TMEM71: variants seen among roughly 807,000 people sequenced by gnomAD.
TMEM71 encodes transmembrane protein 71.
TMEM71 carries 44 observed loss-of-function variants against 38.0 expected under a neutral mutation model. The ratio of observed to expected loss-of-function variants is 1.16; its 90% CI spans 0.91 to 1.49. The LOEUF is 1.49. Ranked by LOEUF, TMEM71 falls within the 40% of genes most tolerant of loss-of-function variation. The pLI is 0.00. For missense variants in TMEM71, 367 were observed against 348.6 expected (o/e 1.05, Z -0.42); for synonymous variants, 133 against 122.5 (o/e 1.09, Z -0.56).
the TMEM71 span, among the ~76,000 whole-genome samples, chr8:132,772,551 A>T: frequency 6.6e-6 from 1 of 152,186 alleles, no homozygotes; most frequent in Non-Finnish European, 1.5e-5. Flanking sequence ...AGAGGAAATG[A>T]CATCCTACCT....
chr8:132,772,178 T>C, the TMEM71 span, among the ~76,000 whole-genome samples: 2 of 152,254 alleles, frequency 1.3e-5, no homozygotes, highest in African/African-American at 2.4e-5. Flanking sequence ...CTTTTTTTCC[T>C]ACCTTAAAAT....
At chr8:132,740,180 C>G (rs1228397486) in intron 5 of TMEM71, among the ~76,000 whole-genome samples, 2 of 152,126 alleles carry the variant, frequency 1.3e-5, no homozygotes, top group Non-Finnish European at 2.9e-5. Flanking sequence ...ACCTTTCAGT[C>G]TTTTCCCTAC....
chr8:132,751,219 C>T (rs2433060), intron 4 of TMEM71, among the ~76,000 whole-genome samples: 46,414 of 152,038 alleles, frequency 0.31, 7,317 homozygotes, highest in Non-Finnish European at 0.33. Context: ...ACAAAACACC[C>T]CTTCCCACCC....
intron 5 of TMEM71, among the ~76,000 whole-genome samples, chr8:132,734,016 A>G (rs954210282): frequency 6.6e-6 from 1 of 152,054 alleles, no homozygotes; most frequent in Non-Finnish European, 1.5e-5. Context: ...GGGTGGGGGA[A>G]ATTGGGAGCC....
At chr8:132,723,410 G>A (rs1198320391) in intron 6 of TMEM71, among the ~76,000 whole-genome samples, 3 of 152,206 alleles carry the variant, frequency 2.0e-5, no homozygotes, top group African/African-American at 7.2e-5. Flanking sequence ...TATGAGTTGT[G>A]TGATTTGGGA....
At chr8:132,743,007 C>G (rs1001438236) in intron 5 of TMEM71, among the ~76,000 whole-genome samples, 1 of 152,110 alleles carries the variant, frequency 6.6e-6, no homozygotes, top group African/African-American at 2.4e-5. Context: ...TCTTGTGAGA[C>G]GTATTCACTA....
chr8:132,746,076 T>A (rs944255289), intron 5 of TMEM71, among the ~76,000 whole-genome samples: 1 of 148,956 alleles, frequency 6.7e-6, no homozygotes, highest in Non-Finnish European at 1.5e-5. Context: ...CTATGCTTAG[T>A]ACCTGGGTGA....
At chr8:132,775,175 T>C in the TMEM71 span, among the ~76,000 whole-genome samples, 2 of 151,922 alleles carry the variant, frequency 1.3e-5, no homozygotes, top group South Asian at 2.1e-4. Flanking sequence ...ACTTCACAAC[T>C]ACCAATAGGC....
At chr8:132,716,063 C>T (rs1004544006) in intron 7 of TMEM71, among the ~76,000 whole-genome samples, 1 of 152,148 alleles carries the variant, frequency 6.6e-6, no homozygotes, top group Non-Finnish European at 1.5e-5. Context: ...GGAGGGAGCC[C>T]GGAACTGGAG....
downstream of TMEM71, among the ~76,000 whole-genome samples, chr8:132,707,152 A>G (rs377582174): frequency 4.2e-4 from 64 of 152,222 alleles, no homozygotes; most frequent in African/African-American, 1.5e-3. Context: ...AAAGAGACCC[A>G]ATAGGCATAT....
In TMEM71 at chr8:132,710,840, A is replaced by G. The variant is rs1826195164; in HGVS notation, c.*127T>C. On this transcript the variant is annotated 3_prime_UTR_variant, in exon 10 of 10. Coordinates refer to ENST00000677595, the MANE Select transcript of TMEM71 (RefSeq NM_001382403.1). ...TTTAAAATCACATAGTCAAACTAAAATGGCTTTTTCTCCATTACTCGCTTA... is the reference window on the plus strand; with the variant it reads ...TTTAAAATCACATAGTCAAACTAAAGTGGCTTTTTCTCCATTACTCGCTTA... 1 of 819,390 alleles carries G rather than the reference A, an allele frequency of 1.2e-6. No individual in the cohort carries two copies. Among genetic ancestry groups the G allele is most frequent in the Non-Finnish European group, 2.1e-6 (1 of 480,790 alleles). 50.8% of individuals were successfully genotyped at this position (819,390 alleles called of 1,614,324 possible).
At chr8:132,740,203 C>A (rs1827963374) in intron 5 of TMEM71, among the ~76,000 whole-genome samples, 1 of 152,130 alleles carries the variant, frequency 6.6e-6, no homozygotes, top group Admixed American at 6.5e-5. Context: ...TCCCCCCTCA[C>A]TCACTCAGCC....
chr8:132,711,586 A>G (rs914753203), intron 9 of TMEM71, among the ~76,000 whole-genome samples: 5 of 152,190 alleles, frequency 3.3e-5, no homozygotes, highest in Non-Finnish European at 7.3e-5. Context: ...TAAGTGTGCA[A>G]AACGTGTACC....
At position 132,751,942 on chromosome 8, in the gene TMEM71, G is replaced by T. The variant is rs765767845; in HGVS notation, c.157C>A (p.Pro53Thr). The change falls in exon 4 of 10, where the codon CCC (proline) becomes ACC (threonine). Residue 53 changes from proline to threonine, a missense_variant. By Grantham distance (38) the Pro-to-Thr change is conservative. Transcript: ENST00000677595. The stretch of plus-strand genomic sequence containing the variant: ...CAGGTATAGTGGGAGCCTGTCAGGG[G>T]ATCTATGGAGCCGCATTCAAAAGAA... ...YHSFECGSID[P>T]LTGSHYTCRR... is the part of the protein sequence containing the mutation. 4 of 1,614,120 alleles carry T rather than the reference G, an allele frequency of 2.5e-6. No individual in the cohort carries two copies. Among genetic ancestry groups the T allele is most frequent in the Middle Eastern group, 1.7e-4 (1 of 6,020 alleles).
In TMEM71 at chr8:132,743,344, G is replaced by T. The variant is rs146306302; in HGVS notation, c.487+3598C>A. Among the ~76,000 whole-genome samples the T allele has an allele frequency of 2.7e-4, 41 of 151,742 alleles. No homozygotes were observed. In the East Asian group the frequency reaches 7.2e-3, roughly 27 times the overall value. On this transcript the variant is annotated intron_variant, in intron 5 of 9. Transcript: ENST00000677595. ...TTCATTGTACTCCTGGTTCTCTTCT[G>T]CCACTTTCACTCCACTACCAGTCAC...
At chr8:132,775,345 C>CACGTCGCGGGCGGCTG in the TMEM71 span, 1 of 352,204 alleles carries the variant, frequency 2.8e-6, no homozygotes. Context: ...CCGCTTCCGG[C>CACGTCGCGGGCGGCTG]ACGTCGCGGG....
intron 5 of TMEM71, among the ~76,000 whole-genome samples, chr8:132,741,461 G>A (rs918112928): frequency 2.0e-5 from 3 of 152,136 alleles, no homozygotes; most frequent in South Asian, 2.1e-4. Flanking sequence ...TAGTGGCCCC[G>A]AATGTCTGGC....
downstream of TMEM71, among the ~76,000 whole-genome samples, chr8:132,709,009 C>T (rs987354836): frequency 6.6e-6 from 1 of 152,114 alleles, no homozygotes; most frequent in Non-Finnish European, 1.5e-5. Flanking sequence ...TTACTGTAGC[C>T]ATAGTAAGCT....
chr8:132,724,931 G>A (rs968306849), intron 6 of TMEM71, among the ~76,000 whole-genome samples: 3 of 152,102 alleles, frequency 2.0e-5, no homozygotes, highest in Non-Finnish European at 4.4e-5. Flanking sequence ...CATTAGCCTA[G>A]ACAGATGTAA....
Sources: gnomAD v4.1 joint callset for allele counts (sites outside exome capture counted in the v4.1 genomes callset) on GRCh38, gnomAD v4.1.1 for gene constraint, MANE v1.5 for transcripts, NCBI Gene and HGNC (gene_info 2026-07-23, HGNC 2026-07-21) for gene names.